SLC26A4: variants seen among roughly 807,000 people sequenced by gnomAD.
SLC26A4 encodes pendrin.
A neutral mutation model predicts 90.4 loss-of-function variants in SLC26A4; 93 were observed. The observed-to-expected ratio is 1.03, with a 90% CI of 0.87 to 1.22. SLC26A4 has a LOEUF of 1.22. Ranked by LOEUF, SLC26A4 falls within the 50% of genes most tolerant of loss-of-function variation. The probability of loss-of-function intolerance (pLI) is 0.00; values close to 1 mark genes in which losing one functional copy is unlikely to be tolerated. For synonymous variants in SLC26A4, 393 were observed against 354.6 expected, an observed-to-expected ratio of 1.11 and a Z score of -1.22; for missense variants, 1,127 against 946.2, an observed-to-expected ratio of 1.19 and a Z score of -2.51.
rs1003136118 is a variant in SLC26A4 at position 107,684,265 on chromosome 7, T to C, written c.1001+728T>C. 2.6e-5 allele frequency among the ~76,000 whole-genome samples: 4 copies of C among 152,340 alleles called. No individual in the cohort carries two copies. In the East Asian group the frequency reaches 5.8e-4, roughly 22 times the overall value. ...CTAGACGTTTATTATATTTGTAACA[T>C]ACACTCATAACATTTAAGACTAGAC... On this transcript the variant is annotated intron_variant, in intron 8 of 20. Coordinates refer to ENST00000644269, the MANE Select transcript of SLC26A4 (RefSeq NM_000441.2).
Position 107,661,957 on chromosome 7 carries a change from C to A in SLC26A4, c.164+152C>A, listed in dbSNP as rs999459962. 2 of 788,252 alleles carry A rather than the reference C, an allele frequency of 2.5e-6. No individual in the cohort carries two copies. Among genetic ancestry groups the A allele is most frequent in the Non-Finnish European group, 3.9e-6 (2 of 509,806 alleles). The allele number at this position is 788,252 out of a possible 1,614,324, so 48.8% of individuals were successfully genotyped here. A position where few individuals can be genotyped will look rare whatever the true frequency, so the allele number is the denominator to read the frequency against. ...TCCCAGAGGCCCGACTTTCGGTCTC[C>A]GGTCCTCCACGCCGCCCTTCTGGTG... On this transcript the variant is annotated intron_variant, in intron 2 of 20. Coordinates refer to ENST00000644269, the MANE Select transcript of SLC26A4 (RefSeq NM_000441.2). The surrounding 1 kb of genome is among the most constrained non-coding windows in gnomAD (Gnocchi z 5.1).
At position 107,702,045 on chromosome 7, in the gene SLC26A4, A is replaced by G. The variant is rs765592143; in HGVS notation, c.2022A>G (p.Arg674=). ...CTTTCCTGGACGTTGTTGGAGTGAGATCACTGCGGGTGGTAAGGTTCTGGT... is the reference window on the plus strand; with the variant it reads ...CTTTCCTGGACGTTGTTGGAGTGAGGTCACTGCGGGTGGTAAGGTTCTGGT... The part of the protein sequence containing the change: ...AISFLDVVGV[R]SLRVIVKEFQ... Residue 674 remains arginine (R), a synonymous_variant, in exon 17 of 21, where the codon AGA becomes AGG. Transcript: ENST00000644269. 3.1e-6 allele frequency: 5 copies of G among 1,604,926 alleles called. No individual in the cohort carries two copies. The highest frequency in any genetic ancestry group is 3.3e-5 in the Admixed American group (2 of 59,982).
intron 8 of SLC26A4, 95 bp from the exon 9 acceptor site, chr7:107,688,958 C>A: frequency 1.6e-6 from 2 of 1,279,296 alleles, no homozygotes; most frequent in Non-Finnish European, 2.3e-6. Context: ...ACTTTCATGT[C>A]TAATATGTGA....
chr7:107,684,928 A>G (rs2129314829), intron 8 of SLC26A4, among the ~76,000 whole-genome samples: 1 of 152,184 alleles, frequency 6.6e-6, no homozygotes, highest in Non-Finnish European at 1.5e-5. Context: ...TCCGTGTTCC[A>G]TTAGTTGGTT....
chr7:107,691,511 A>ATC (rs1384239211), intron 10 of SLC26A4, among the ~76,000 whole-genome samples: 118 of 70,160 alleles, frequency 1.7e-3, no homozygotes, highest in African/African-American at 4.9e-3. Context: ...TCAAATATAT[A>ATC]TATACACACA....
intron 8 of SLC26A4, among the ~76,000 whole-genome samples, chr7:107,688,039 T>C (rs540602589): frequency 6.6e-6 from 1 of 150,934 alleles, no homozygotes; most frequent in African/African-American, 2.4e-5. Flanking sequence ...CAGATCTTGT[T>C]AGGTAGGAAA....
intron 6 of SLC26A4, among the ~76,000 whole-genome samples, chr7:107,680,687 T>G (rs1791207845): frequency 6.6e-6 from 1 of 151,926 alleles, no homozygotes; most frequent in South Asian, 2.1e-4. Flanking sequence ...TGATTTTGGT[T>G]TTTGAACCTC....
At chr7:107,685,886 G>T (rs904223788) in intron 8 of SLC26A4, among the ~76,000 whole-genome samples, 2 of 151,998 alleles carry the variant, frequency 1.3e-5, no homozygotes, top group African/African-American at 4.8e-5. Flanking sequence ...GTGTGTGTGT[G>T]TGCTCACGCA....
intron 18 of SLC26A4, among the ~76,000 whole-genome samples, chr7:107,706,612 G>A (rs1562841885): frequency 1.3e-5 from 2 of 152,172 alleles, no homozygotes; most frequent in African/African-American, 4.8e-5. Flanking sequence ...AGGAAGGAAC[G>A]ACTTTTTATT....
chr7:107,697,845 A>C (rs1275751922), intron 13 of SLC26A4, among the ~76,000 whole-genome samples, 197 bp from the exon 14 acceptor site: 3 of 152,214 alleles, frequency 2.0e-5, no homozygotes, highest in Non-Finnish European at 4.4e-5. Flanking sequence ...AGAGAGGCAC[A>C]GTTCTCCCCT....
At chr7:107,679,231 G>A (rs1791108652) in intron 6 of SLC26A4, among the ~76,000 whole-genome samples, 1 of 152,048 alleles carries the variant, frequency 6.6e-6, no homozygotes, top group African/African-American at 2.4e-5. Flanking sequence ...CAATTTGAAT[G>A]GTTTGTCTCA....
intron 3 of SLC26A4, among the ~76,000 whole-genome samples, chr7:107,666,414 G>T (rs970441076): frequency 2.6e-5 from 4 of 152,082 alleles, no homozygotes. Flanking sequence ...TAGAGACAAG[G>T]TTTCACCATG....
rs776447767 is a variant in SLC26A4, at chr7:107,715,438, G to A, written c.2335G>A (p.Ala779Thr). 6.2e-7 allele frequency: 1 copy of A among 1,613,170 alleles called. No homozygotes were observed. Among genetic ancestry groups the A allele is most frequent in the South Asian group, 1.1e-5 (1 of 91,056 alleles). The change falls in exon 21 of 21, where the codon GCA (alanine) becomes ACA (threonine). Residue 779 changes from alanine (A) to threonine (T), a missense_variant. Physicochemically the swap from Ala to Thr is moderately conservative, Grantham distance 58. Transcript: ENST00000644269. ...GCTTCCACAGGCTATGCGTACACTT[G>A]CATCCTGAAAGTGGGTTCGGGAGGT... The part of the protein sequence containing the change: ...DVQDEAMRTL[A>T]S
At chr7:107,668,257 G>A (rs1415641526) in intron 3 of SLC26A4, among the ~76,000 whole-genome samples, 1 of 152,152 alleles carries the variant, frequency 6.6e-6, no homozygotes, top group Non-Finnish European at 1.5e-5. Context: ...AAGAATATTT[G>A]CAAAATTCCA....
Position 107,673,407 on chromosome 7 carries a change from A to G in SLC26A4, c.416-757A>G, listed in dbSNP as rs140101154. Among the ~76,000 whole-genome samples the G allele has an allele frequency of 8.5e-4, 130 of 152,274 alleles. 1 individual carries two copies. The East Asian group carries it at 0.023, about 27-fold the overall frequency. ...TGCTGTTTTTTTAATCCTAACTTCG[A>G]CCCTGTGATATTGATCAAGGTACTC... On this transcript the variant is annotated intron_variant, in intron 4 of 20. Coordinates refer to ENST00000644269, the MANE Select transcript of SLC26A4 (RefSeq NM_000441.2).
At chr7:107,704,735 G>C (rs1012289094) in intron 18 of SLC26A4, among the ~76,000 whole-genome samples, 1 of 152,182 alleles carries the variant, frequency 6.6e-6, no homozygotes, top group African/African-American at 2.4e-5. Context: ...GTCATGTCAG[G>C]ATACTTTTTT....
rs1430313669 is a variant in SLC26A4, at chr7:107,661,971, G to A, written c.164+166G>A. 4.1e-6 allele frequency: 3 copies of A among 726,396 alleles called. No individual in the cohort carries two copies. The highest frequency in any genetic ancestry group is 1.8e-5 in the African/African-American group (1 of 55,540). 45.0% of individuals were successfully genotyped at this position (726,396 alleles called of 1,614,324 possible). The stretch of plus-strand genomic sequence containing the variant: ...CTTTCGGTCTCCGGTCCTCCACGCC[G>A]CCCTTCTGGTGGGAGGGTGGCTCCA... On this transcript the variant is annotated intron_variant, in intron 2 of 20. Transcript: ENST00000644269. This position sits in a 1 kb window ranked among gnomAD's most constrained non-coding sequence, Gnocchi z 5.1.
intron 11 of SLC26A4, 45 bp downstream of exon 11, chr7:107,694,525 A>G: frequency 6.5e-7 from 1 of 1,542,710 alleles, no homozygotes; most frequent in Non-Finnish European, 9.0e-7. Context: ...ATTTCCCTTC[A>G]CTACTCTGCT....
Position 107,689,091 on chromosome 7 carries a change from C to G in SLC26A4, c.1040C>G (p.Ser347Trp). ...PPELPPVSLF[S>W]EMLAASFSIA... is the part of the protein sequence containing the mutation. ...GAACTTCCACCTGTGAGCTTGTTCT[C>G]GGAGATGCTGGCTGCATCATTTTCC... The change falls in exon 9 of 21, where the codon TCG (serine) becomes TGG (tryptophan). Residue 347 changes from serine (S) to tryptophan (W), a missense_variant. Ser to Trp is a radical substitution (Grantham distance 177). Coordinates refer to ENST00000644269, the MANE Select transcript of SLC26A4 (RefSeq NM_000441.2). 4 of 1,613,928 alleles carry G rather than the reference C, an allele frequency of 2.5e-6. No homozygotes were observed. The highest frequency in any genetic ancestry group is 3.3e-4 in the Middle Eastern group (2 of 6,058).
Sources: gnomAD v4.1 joint callset for allele counts (sites outside exome capture counted in the v4.1 genomes callset) on GRCh38, gnomAD v4.1.1 for gene constraint, Gnocchi (gnomAD v3.1) non-coding constraint, MANE v1.5 for transcripts, NCBI Gene and HGNC (gene_info 2026-07-23, HGNC 2026-07-21) for gene names.